Variants in PPIP5K2 observed in about 807,000 individuals in gnomAD.
The protein encoded by PPIP5K2 is inositol hexakisphosphate and diphosphoinositol-pentakisphosphate kinase 2.
In PPIP5K2, 105 loss-of-function variants were observed where a neutral mutation model predicts 154.6. The ratio of observed to expected loss-of-function variants is 0.68; its 90% CI spans 0.58 to 0.80. The LOEUF (loss-of-function observed/expected upper bound fraction) is 0.80. Ranked by LOEUF, PPIP5K2 falls within the 30% of genes least tolerant of loss-of-function variation. PPIP5K2 has a pLI of 0.00. For missense variants in PPIP5K2, 992 were observed against 1,504.6 expected (o/e 0.66, Z 5.64); for synonymous variants, 480 against 490.3 (o/e 0.98, Z 0.28).
At chr5:103,184,386 G>C (rs1800027892) in intron 25 of PPIP5K2, 1 of 236,482 alleles carries the variant, frequency 4.2e-6, no homozygotes, top group Non-Finnish European at 8.3e-6. Flanking sequence ...CTTCTTTTAA[G>C]AGTGAAATTA....
intron 29 of PPIP5K2, 92 bp downstream of exon 29, chr5:103,191,074 G>A: frequency 7.7e-7 from 1 of 1,290,846 alleles, no homozygotes; most frequent in Admixed American, 2.2e-5. Context: ...ATAAAAGCAG[G>A]TAGTGGTAAT....
In PPIP5K2 at chr5:103,195,363, C is replaced by T. The variant is rs143224951; in HGVS notation, c.3619+338C>T. Among the ~76,000 whole-genome samples the T allele has an allele frequency of 3.1e-3, 478 of 152,062 alleles. 5 individuals are homozygous for T. The highest frequency in any genetic ancestry group is 0.011 in the African/African-American group (450 of 41,478). Reference sequence around the variant, plus strand: ...GGCCAGGCATAGTGGTGCCCACCTGCAATCCCAGCTACTCAGGAAGTGGAG... The same window carrying T: ...GGCCAGGCATAGTGGTGCCCACCTGTAATCCCAGCTACTCAGGAAGTGGAG... On this transcript the variant is annotated intron_variant, in intron 30 of 30. Coordinates refer to ENST00000358359, the MANE Select transcript of PPIP5K2 (RefSeq NM_001276277.3).
At position 103,210,051 on chromosome 5, in the gene PPIP5K2, T is replaced by C. The variant is rs1554232506; in HGVS notation, c.*8417T>C. 6.6e-6 allele frequency: 1 copy of C among 152,146 alleles called. No individual in the cohort carries two copies. The highest frequency in any genetic ancestry group is 1.5e-5 in the Non-Finnish European group (1 of 68,010). 9.4% of individuals were successfully genotyped at this position (152,146 alleles called of 1,614,324 possible). A position where few individuals can be genotyped will look rare whatever the true frequency, so the allele number is the denominator to read the frequency against. On this transcript the variant is annotated 3_prime_UTR_variant, in exon 31 of 31. Transcript: ENST00000358359. The stretch of plus-strand genomic sequence containing the variant: ...TCTTCACTGGTCATCCAGAAGCCTT[T>C]TTGAAAGTCCCACTGCCATACCTGC...
At chr5:103,129,007 T>A (rs577184527) in intron 1 of PPIP5K2, among the ~76,000 whole-genome samples, 1 of 152,320 alleles carries the variant, frequency 6.6e-6, no homozygotes, top group East Asian at 1.9e-4. Flanking sequence ...TTGTTATAAT[T>A]TGAGTAATTT....
At chr5:103,194,550 T>G (rs1801763756) in intron 29 of PPIP5K2, among the ~76,000 whole-genome samples, 1 of 152,196 alleles carries the variant, frequency 6.6e-6, no homozygotes. Context: ...AGGGGATTAC[T>G]GATTCTGTTA....
At chr5:103,191,744 G>A (rs1333507056) in intron 29 of PPIP5K2, among the ~76,000 whole-genome samples, 1 of 152,084 alleles carries the variant, frequency 6.6e-6, no homozygotes, top group Non-Finnish European at 1.5e-5. Context: ...TGAGAAGTCA[G>A]CTGCCAGTTG....
chr5:103,154,749 A>T lies in PPIP5K2; in HGVS notation c.1293+4A>T, dbSNP rs1170468507. 4.4e-6 allele frequency: 7 copies of T among 1,579,220 alleles called. No homozygotes were observed. The highest frequency in any genetic ancestry group is 6.0e-6 in the Non-Finnish European group (7 of 1,162,522). ...CAAAAAACCAAAACAGTTACAGGCA[A>T]GTGTATTTGCTTTCTTGTTTAATTT... On this transcript the variant is annotated splice_donor_region_variant and intron_variant, in intron 12 of 30. Transcript: ENST00000358359.
intron 5 of PPIP5K2, among the ~76,000 whole-genome samples, chr5:103,139,810 A>G (rs1208970729): frequency 5.9e-5 from 9 of 152,250 alleles, no homozygotes; most frequent in African/African-American, 1.9e-4. Flanking sequence ...GAATTGTATC[A>G]TGAGAAATTA....
chr5:103,198,074 A>G (rs1484887374), intron 30 of PPIP5K2, among the ~76,000 whole-genome samples: 1 of 152,024 alleles, frequency 6.6e-6, no homozygotes, highest in African/African-American at 2.4e-5. Context: ...CACAAAAGTT[A>G]TATTGTATTT....
chr5:103,189,135 T>G, intron 28 of PPIP5K2: 2 of 1,471,472 alleles, frequency 1.4e-6, no homozygotes, highest in Non-Finnish European at 1.8e-6. Context: ...CTTCTGACAG[T>G]GCTTTACCTT....
At chr5:103,163,735 A>G (rs1796706028) in intron 17 of PPIP5K2, among the ~76,000 whole-genome samples, 1 of 151,962 alleles carries the variant, frequency 6.6e-6, no homozygotes, top group African/African-American at 2.4e-5. Flanking sequence ...GAATTTTATC[A>G]TATTTTCTTT....
chr5:103,158,116 A>T (rs574731319), intron 14 of PPIP5K2, 72 bp from the exon 15 acceptor site: 11 of 1,502,396 alleles, frequency 7.3e-6, no homozygotes, highest in Non-Finnish European at 1.0e-5. Context: ...GAGCACAGAG[A>T]AAAAAATGAA....
chr5:103,169,179 A>G (rs565980572), intron 19 of PPIP5K2, among the ~76,000 whole-genome samples: 4 of 151,972 alleles, frequency 2.6e-5, no homozygotes, highest in African/African-American at 7.2e-5. Flanking sequence ...ATAAAGGGGT[A>G]AGTGGCAAAA....
chr5:103,180,848 CAAA>C (rs782295420), intron 24 of PPIP5K2, among the ~76,000 whole-genome samples: 3 of 90,342 alleles, frequency 3.3e-5, no homozygotes, highest in Non-Finnish European at 2.3e-5. Flanking sequence ...AGACTCTCCC[CAAA>C]AAAAAAAAAA....
At chr5:103,140,478 G>C (rs998020603) in intron 5 of PPIP5K2, among the ~76,000 whole-genome samples, 4 of 152,222 alleles carry the variant, frequency 2.6e-5, no homozygotes, top group African/African-American at 9.6e-5. Flanking sequence ...AAAGCTTATA[G>C]GCTAGGAGAG....
chr5:103,153,952 TAA>T lies in PPIP5K2; in HGVS notation c.1217+19_1217+20del. ...CATCAGAAGTATGTTTTCAGATGAA[TAA>T]TTTAACATGCATGATACAATTTTAA... On this transcript the variant is annotated intron_variant, in intron 11 of 30. Coordinates refer to ENST00000358359, the MANE Select transcript of PPIP5K2 (RefSeq NM_001276277.3). The T allele has an allele frequency of 6.6e-7, 1 of 1,516,028 alleles. No homozygotes were observed. Among genetic ancestry groups the T allele is most frequent in the Non-Finnish European group, 9.1e-7 (1 of 1,104,022 alleles). The allele number at this position is 1,516,028 out of a possible 1,614,324, so 93.9% of individuals were successfully genotyped here. A position where few individuals can be genotyped will look rare whatever the true frequency, so the allele number is the denominator to read the frequency against.
intron 17 of PPIP5K2, among the ~76,000 whole-genome samples, chr5:103,164,329 T>C (rs1796810135): frequency 6.6e-6 from 1 of 152,060 alleles, no homozygotes; most frequent in South Asian, 2.1e-4. Flanking sequence ...GTTAGGTCTC[T>C]GAATTATATG....
chr5:103,177,047 AT>A, intron 21 of PPIP5K2: 1 of 550,048 alleles, frequency 1.8e-6, no homozygotes, highest in Admixed American at 3.7e-5. Flanking sequence ...CATTCCTGTT[AT>A]AGGATAGTAT....
At chr5:103,183,029 C>T (rs1316788232) in intron 24 of PPIP5K2, among the ~76,000 whole-genome samples, 1 of 151,706 alleles carries the variant, frequency 6.6e-6, no homozygotes, top group Non-Finnish European at 1.5e-5. Flanking sequence ...TTAGTCATTC[C>T]TATCAAATTC....
Sources: allele counts gnomAD v4.1 joint callset (sites outside exome capture counted in the v4.1 genomes callset), GRCh38; gene constraint gnomAD v4.1.1; transcripts MANE v1.5; gene names NCBI Gene and HGNC (gene_info 2026-07-23, HGNC 2026-07-21).